CBFA2T2: variants seen among roughly 807,000 people sequenced by gnomAD.
CBFA2T2 encodes protein CBFA2T2.
A neutral mutation model predicts 62.2 loss-of-function variants in CBFA2T2; 11 were observed. The observed-to-expected ratio is 0.18, with a 90% CI of 0.11 to 0.29. CBFA2T2 has a LOEUF of 0.29. CBFA2T2 is among the 10% of genes least tolerant of loss of function. CBFA2T2 has a pLI of 1.00. For missense variants in CBFA2T2, 592 were observed against 774.1 expected (o/e 0.76, Z 2.79); for synonymous variants, 295 against 287.5 (o/e 1.03, Z -0.27).
intron 1 of CBFA2T2, among the ~76,000 whole-genome samples, chr20:33,505,397 C>T (rs2011384599): frequency 6.6e-6 from 1 of 152,114 alleles, no homozygotes; most frequent in African/African-American, 2.4e-5. Flanking sequence ...CTGTATGTTA[C>T]CTCATGATTA....
At position 33,628,327 on chromosome 20, in the gene CBFA2T2, A is replaced by G. The variant is rs1356804975; in HGVS notation, c.947-23A>G. ...ATTGTGTTTTTCCTGCTATCTTTGA[A>G]TTTAATCTGTAATTTCTAATAGGTC... is the stretch of plus-strand genomic sequence containing the variant. On this transcript the variant is annotated intron_variant, in intron 6 of 10. Coordinates refer to ENST00000342704, the MANE Select transcript of CBFA2T2 (RefSeq NM_001032999.3). The G allele has an allele frequency of 2.6e-6, 4 of 1,553,906 alleles. No individual in the cohort carries two copies. In the Admixed American group the frequency reaches 6.7e-5, roughly 26 times the overall value.
At chr20:33,574,439 A>G (rs148577984) in intron 1 of CBFA2T2, among the ~76,000 whole-genome samples, 211 of 152,316 alleles carry the variant, frequency 1.4e-3, no homozygotes, top group African/African-American at 4.8e-3. Context: ...CAGCCTGACC[A>G]ACATGGAGAA....
intron 1 of CBFA2T2, among the ~76,000 whole-genome samples, chr20:33,510,122 C>T (rs755203118): frequency 2.0e-5 from 3 of 151,862 alleles, no homozygotes; most frequent in Non-Finnish European, 2.9e-5. Context: ...TTTCCAGCTG[C>T]GTCCATGTCC....
chr20:33,592,428 TTATA>T (rs564676342), intron 1 of CBFA2T2, among the ~76,000 whole-genome samples: 2 of 127,808 alleles, frequency 1.6e-5, no homozygotes, highest in African/African-American at 6.2e-5. Context: ...TATGTAAAAA[TTATA>T]TATAATTATG....
At chr20:33,570,637 AT>A (rs2013524613) in intron 1 of CBFA2T2, among the ~76,000 whole-genome samples, 1 of 152,200 alleles carries the variant, frequency 6.6e-6, no homozygotes, top group Non-Finnish European at 1.5e-5. Context: ...AGGTGAGTAC[AT>A]GTGCTGTTAA....
intron 3 of CBFA2T2, among the ~76,000 whole-genome samples, chr20:33,614,528 T>C (rs1422997869): frequency 6.6e-6 from 1 of 152,194 alleles, no homozygotes; most frequent in Admixed American, 6.5e-5. Context: ...CTTTTCATCT[T>C]GCAAAACTGC....
chr20:33,531,732 A>G (rs190699911), intron 1 of CBFA2T2, among the ~76,000 whole-genome samples: 77 of 152,350 alleles, frequency 5.1e-4, no homozygotes, highest in African/African-American at 1.3e-3. Flanking sequence ...TGAATCAGAC[A>G]TTGTGGAGCC....
At chr20:33,630,555 G>A (rs1019276993) in intron 8 of CBFA2T2, among the ~76,000 whole-genome samples, 4 of 152,140 alleles carry the variant, frequency 2.6e-5, no homozygotes, top group African/African-American at 9.7e-5. Context: ...ATACCACGCT[G>A]GGTTGTTTCC....
chr20:33,543,818 TTAAA>T (rs1214694920), intron 1 of CBFA2T2, among the ~76,000 whole-genome samples: 4 of 152,056 alleles, frequency 2.6e-5, no homozygotes, highest in Non-Finnish European at 5.9e-5. Context: ...GATAACTAAA[TTAAA>T]TTAAATTAAT....
chr20:33,557,004 C>CTTTTTTTT lies in CBFA2T2; in HGVS notation c.35-49931_35-49924dup, dbSNP rs751836572. 1.9e-3 allele frequency among the ~76,000 whole-genome samples: 89 copies of CTTTTTTTT among 46,212 alleles called. 23 individuals are homozygous for CTTTTTTTT. The highest frequency in any genetic ancestry group is 3.7e-3 in the African/African-American group (39 of 10,654). The allele number at this position is 46,212 out of a possible 152,430, so 30.3% of individuals were successfully genotyped here. On this transcript the variant is annotated intron_variant, in intron 1 of 10. Coordinates refer to ENST00000342704, the MANE Select transcript of CBFA2T2 (RefSeq NM_001032999.3). ...CTTGCCCAAGGTGTTGCATGCTTAT[C>CTTTTTTTT]TTTTTTTTTTTTTTTTTTTTTTTTT...
intron 1 of CBFA2T2, among the ~76,000 whole-genome samples, chr20:33,571,168 C>T (rs1177675697): frequency 6.6e-6 from 1 of 152,148 alleles, no homozygotes; most frequent in Non-Finnish European, 1.5e-5. Flanking sequence ...TTAAGTGGGT[C>T]TGGAGGGGGG....
At chr20:33,599,996 C>T (rs895652740) in intron 1 of CBFA2T2, among the ~76,000 whole-genome samples, 3 of 151,964 alleles carry the variant, frequency 2.0e-5, no homozygotes, top group East Asian at 1.9e-4. Context: ...ATGAAGCCTG[C>T]GTGTTATTAG....
At chr20:33,599,219 G>A (rs529171790) in intron 1 of CBFA2T2, among the ~76,000 whole-genome samples, 8 of 151,344 alleles carry the variant, frequency 5.3e-5, no homozygotes, top group South Asian at 2.1e-4. Flanking sequence ...CAGAGATGGC[G>A]CCACTGCAAT....
chr20:33,550,322 T>A (rs1213903109), intron 1 of CBFA2T2, among the ~76,000 whole-genome samples: 2 of 152,196 alleles, frequency 1.3e-5, no homozygotes, highest in Non-Finnish European at 2.9e-5. Flanking sequence ...ACAGCATAAT[T>A]TGATTTGAAT....
At chr20:33,640,619 C>A in intron 10 of CBFA2T2, 88 bp downstream of exon 10, 2 of 1,208,644 alleles carry the variant, frequency 1.7e-6, no homozygotes, top group Non-Finnish European at 2.4e-6. Context: ...CAGGAAGACA[C>A]AGGCAGTCCA....
At chr20:33,494,264 TATA>T (rs2011174035) in intron 1 of CBFA2T2, among the ~76,000 whole-genome samples, 37 of 75,514 alleles carry the variant, frequency 4.9e-4, no homozygotes, top group Non-Finnish European at 6.6e-4. Context: ...TATATATATA[TATA>T]TATATATTTT....
Position 33,562,652 on chromosome 20 carries a change from T to C in CBFA2T2, c.35-44304T>C, listed in dbSNP as rs17124769. ...ATTTGGTGTATTTAAGAATCTGGAT[T>C]GTTTATAATTTGGGCATTTGGGGTA... On this transcript the variant is annotated intron_variant, in intron 1 of 10. Transcript: ENST00000342704. The C allele has an allele frequency of 7.0e-3, 6,895 of 985,464 alleles. 340 individuals carry two copies. In the African/African-American group the frequency reaches 0.11, roughly 15 times the overall value. The allele number at this position is 985,464 out of a possible 1,614,324, so 61.0% of individuals were successfully genotyped here.
intron 3 of CBFA2T2, among the ~76,000 whole-genome samples, chr20:33,614,740 C>G (rs566848679): frequency 6.6e-6 from 1 of 152,274 alleles, no homozygotes; most frequent in African/African-American, 2.4e-5. Context: ...GTCAGACTTT[C>G]CTACTTTTTA....
chr20:33,490,632 T>A (rs939363619), intron 1 of CBFA2T2, among the ~76,000 whole-genome samples: 1 of 152,186 alleles, frequency 6.6e-6, no homozygotes, highest in Admixed American at 6.5e-5. Context: ...GGCCACGAAG[T>A]CCGGCTCCTG....
Sources: gnomAD v4.1 joint callset for allele counts (sites outside exome capture counted in the v4.1 genomes callset) on GRCh38, gnomAD v4.1.1 for gene constraint, MANE v1.5 for transcripts, NCBI Gene and HGNC (gene_info 2026-07-23, HGNC 2026-07-21) for gene names.